ZNF197: variants seen among roughly 807,000 people sequenced by gnomAD.
ZNF197 encodes the protein VHL-associated KRAB-A domain-containing protein.
Under a neutral mutation model 27.4 loss-of-function variants are expected in ZNF197, and 14 were observed. The ratio of observed to expected loss-of-function variants is 0.51; its 90% CI spans 0.34 to 0.80. The LOEUF is 0.80. Ranked by LOEUF, ZNF197 falls within the 30% of genes least tolerant of loss-of-function variation. ZNF197 has a pLI of 0.02. For synonymous variants in ZNF197, 415 were observed against 420.0 expected (o/e 0.99, Z 0.15); for missense variants, 1,090 against 1,222.6 (o/e 0.89, Z 1.62).
chr3:44,632,555 A>C lies in ZNF197; in HGVS notation c.725A>C (p.Tyr242Ser). The C allele has an allele frequency of 6.2e-7, 1 of 1,604,788 alleles. No homozygotes were observed. The highest frequency in any genetic ancestry group is 8.5e-7 in the Non-Finnish European group (1 of 1,175,278). ...CTGGGCCCAATCCAGAGGGCCTTGT[A>C]CTGGGATGTGATGCTGGAGAATTAT... ...ACLGPIQRAL[Y>S]WDVMLENYGN... Residue 242 changes from tyrosine (Y) to serine (S), a missense_variant, in exon 5 of 6, where the codon TAC becomes TCC. Physicochemically the swap from Tyr to Ser is moderately radical, Grantham distance 144. Coordinates refer to ENST00000344387, the MANE Select transcript of ZNF197 (RefSeq NM_006991.5).
intron 5 of ZNF197, among the ~76,000 whole-genome samples, chr3:44,636,659 A>T (rs1374544324): frequency 6.6e-6 from 1 of 152,198 alleles, no homozygotes; most frequent in Admixed American, 6.5e-5. Context: ...TCCATTATGA[A>T]TAATGCTGCT....
intron 5 of ZNF197, among the ~76,000 whole-genome samples, chr3:44,634,902 G>A (rs1443767392): frequency 6.6e-6 from 1 of 151,212 alleles, no homozygotes; most frequent in African/African-American, 2.4e-5. Context: ...GCCCAGGCTG[G>A]CCTCAAACTC....
chr3:44,629,300 G>A lies in ZNF197; in HGVS notation c.146G>A (p.Arg49His), dbSNP rs1216716328. 1.1e-5 allele frequency: 18 copies of A among 1,614,012 alleles called. No homozygotes were observed. The highest frequency in any genetic ancestry group is 5.0e-5 in the Admixed American group (3 of 60,000). ...TCCCACCTACACTTTAGACAATTAC[G>A]TTACCATGAGACATCTGGACCCCAG... ...ETSHLHFRQL[R>H]YHETSGPQEA... The change falls in exon 2 of 6, where the codon CGT (arginine) becomes CAT (histidine). Residue 49 changes from arginine (R) to histidine (H), a missense_variant. Transcript: ENST00000344387.
intron 5 of ZNF197, among the ~76,000 whole-genome samples, chr3:44,633,246 GATAAATA>G (rs1379055800): frequency 1.3e-5 from 2 of 151,964 alleles, no homozygotes; most frequent in Admixed American, 6.6e-5. Flanking sequence ...AGATTTCTTT[GATAAATA>G]ATAAAAGAAT....
intron 1 of ZNF197, among the ~76,000 whole-genome samples, chr3:44,627,660 G>A (rs948062120): frequency 6.6e-6 from 1 of 151,734 alleles, no homozygotes; most frequent in East Asian, 1.9e-4. Context: ...GCGAAACCCC[G>A]TCTCTACCAA....
intron 3 of ZNF197, among the ~76,000 whole-genome samples, chr3:44,631,545 T>C (rs1259493273): frequency 7.0e-6 from 1 of 141,916 alleles, no homozygotes; most frequent in East Asian, 2.2e-4. Flanking sequence ...GGACTACAGG[T>C]GCCCGCCACT....
At chr3:44,627,702 G>A (rs370517302) in intron 1 of ZNF197, among the ~76,000 whole-genome samples, 1 of 151,664 alleles carries the variant, frequency 6.6e-6, no homozygotes. Flanking sequence ...ATGGTGGTGC[G>A]AGCCTGTAGT....
intron 5 of ZNF197, among the ~76,000 whole-genome samples, chr3:44,634,560 C>T (rs911628257): frequency 2.0e-5 from 3 of 152,096 alleles, no homozygotes; most frequent in Non-Finnish European, 4.4e-5. Context: ...AGCAATTCTC[C>T]TGCCTCAGCC....
Position 44,643,561 on chromosome 3 carries a change from AT to A in ZNF197, c.2433del (p.His812ThrfsTer23), listed in dbSNP as rs762416572. 1 of 1,614,214 alleles carries A rather than the reference AT, an allele frequency of 6.2e-7. No individual in the cohort carries two copies. Among genetic ancestry groups the A allele is most frequent in the Non-Finnish European group, 8.5e-7 (1 of 1,180,040 alleles). ...LKKSLIGHQR[I>X]HTREKSYKCN... is the part of the protein sequence containing the mutation. ...GAAAAGCCTCATTGGACATCAGAGA[AT>A]TCACACGAGGGAAAAATCTTATAAA... On this transcript the variant is annotated frameshift_variant, in exon 6 of 6. Transcript: ENST00000344387. LOFTEE classifies it low-confidence loss of function (END_TRUNC).
rs569480508 is a variant in ZNF197, at chr3:44,631,111, C to T, written c.440C>T (p.Ala147Val). The change falls in exon 3 of 6, where the codon GCC becomes GTC. Residue 147 changes from alanine (A) to valine (V), a missense_variant. Physicochemically the swap from Ala to Val is moderately conservative, Grantham distance 64. Transcript: ENST00000344387. The stretch of plus-strand genomic sequence containing the variant: ...GACACTCTCCAGAAGGTGGTGAGTG[C>T]CCCAGGAACAACACTTCCTCCTGTA... ...DQDTLQKVVS[A>V]PGTTLPPVLP... 200 of 1,614,080 alleles carry T rather than the reference C, an allele frequency of 1.2e-4. 1 individual carries two copies. In the South Asian group the frequency reaches 2.0e-3, roughly 16 times the overall value.
chr3:44,633,527 T>A (rs539137825), intron 5 of ZNF197, among the ~76,000 whole-genome samples: 8 of 152,378 alleles, frequency 5.3e-5, no homozygotes, highest in African/African-American at 1.9e-4. Context: ...GCATTTATAC[T>A]GGAACTTGAA....
At chr3:44,627,444 T>C (rs1055428104) in intron 1 of ZNF197, among the ~76,000 whole-genome samples, 1 of 152,220 alleles carries the variant, frequency 6.6e-6, no homozygotes, top group Non-Finnish European at 1.5e-5. Flanking sequence ...TTATGTGTCC[T>C]TCCTTGCTTT....
chr3:44,644,674 C>CA lies in ZNF197; in HGVS notation c.*459dup, dbSNP rs948488845. The CA allele has an allele frequency of 1.0e-6, 1 of 987,074 alleles. No individual in the cohort carries two copies. The highest frequency in any genetic ancestry group is 1.7e-5 in the African/African-American group (1 of 57,200). The allele number at this position is 987,074 out of a possible 1,614,324, so 61.1% of individuals were successfully genotyped here. On this transcript the variant is annotated 3_prime_UTR_variant, in exon 6 of 6. Coordinates refer to ENST00000344387, the MANE Select transcript of ZNF197 (RefSeq NM_006991.5). ...AAGTTCATCCCAACTTTCAAGTCTA[C>CA]AAAAACATAATCCAAATCTAATAAC...
intron 5 of ZNF197, among the ~76,000 whole-genome samples, chr3:44,636,897 T>A (rs1702325799): frequency 6.6e-6 from 1 of 152,182 alleles, no homozygotes; most frequent in African/African-American, 2.4e-5. Context: ...ATTTTAACTA[T>A]CCTAGTGGGT....
Position 44,645,241 on chromosome 3 carries a change from T to C in ZNF197, c.*1021T>C, listed in dbSNP as rs367914335. On this transcript the variant is annotated 3_prime_UTR_variant, in exon 6 of 6. Coordinates refer to ENST00000344387, the MANE Select transcript of ZNF197 (RefSeq NM_006991.5). ...GAAAGTACTTTTTGAAATCATTCAG[T>C]TGTCAATAAAGTTGGATAAAAGAGG... 1.1e-5 allele frequency: 11 copies of C among 985,180 alleles called. No homozygotes were observed. In the East Asian group the frequency reaches 4.5e-4, roughly 41 times the overall value. The allele number at this position is 985,180 out of a possible 1,614,324, so 61.0% of individuals were successfully genotyped here.
At chr3:44,638,989 C>T (rs541873917) in intron 5 of ZNF197, among the ~76,000 whole-genome samples, 2 of 152,262 alleles carry the variant, frequency 1.3e-5, no homozygotes, top group Non-Finnish European at 2.9e-5. Context: ...ACTGGGATTA[C>T]AGGCATGAGC....
In ZNF197 at chr3:44,643,723, C is replaced by A. The variant is rs1559475989; in HGVS notation, c.2593C>A (p.Gln865Lys). 6.2e-7 allele frequency: 1 copy of A among 1,613,998 alleles called. No homozygotes were observed. ...GTACAACAGAAACCTGATTGAACATCAAAGAATTCACAGTGGAGAAAAAAC... is the reference window on the plus strand; with the variant it reads ...GTACAACAGAAACCTGATTGAACATAAAAGAATTCACAGTGGAGAAAAAAC... ...FTYNRNLIEH[Q>K]RIHSGEKTYE... The change falls in exon 6 of 6, where the codon CAA (glutamine) becomes AAA (lysine). Residue 865 changes from glutamine to lysine, a missense_variant. By Grantham distance (53) the Gln-to-Lys change is moderately conservative. Transcript: ENST00000344387.
rs1257776420 is a variant in ZNF197 at position 44,642,422 on chromosome 3, G to A, written c.1292G>A (p.Cys431Tyr). 5.0e-6 allele frequency: 8 copies of A among 1,614,122 alleles called. No individual in the cohort carries two copies. Among genetic ancestry groups the A allele is most frequent in the Non-Finnish European group, 6.8e-6 (8 of 1,180,016 alleles). ...GAGAAACCTTATAAATGTAATGAATGTGGGAAAGCATTTTCTCAAAGTGCT... is the reference window on the plus strand; with the variant it reads ...GAGAAACCTTATAAATGTAATGAATATGGGAAAGCATTTTCTCAAAGTGCT... ...SGEKPYKCNE[C>Y]GKAFSQSAYL... Residue 431 changes from cysteine (C) to tyrosine (Y), a missense_variant, in exon 6 of 6, where the codon TGT becomes TAT. Coordinates refer to ENST00000344387, the MANE Select transcript of ZNF197 (RefSeq NM_006991.5).
chr3:44,644,430 G>A lies in ZNF197; in HGVS notation c.*210G>A. On this transcript the variant is annotated 3_prime_UTR_variant, in exon 6 of 6. Coordinates refer to ENST00000344387, the MANE Select transcript of ZNF197 (RefSeq NM_006991.5). ...GAAGCGAGTGGATCACCTGAGGTCA[G>A]GATTTTGAGACCAGCCTGACCAACA... is the stretch of plus-strand genomic sequence containing the variant. The A allele has an allele frequency of 8.3e-7, 1 of 1,202,234 alleles. No individual in the cohort carries two copies. Among genetic ancestry groups the A allele is most frequent in the Non-Finnish European group, 1.1e-6 (1 of 943,368 alleles). The allele number at this position is 1,202,234 out of a possible 1,614,324, so 74.5% of individuals were successfully genotyped here.
Sources: gnomAD v4.1 joint callset for allele counts (sites outside exome capture counted in the v4.1 genomes callset) on GRCh38, gnomAD v4.1.1 for gene constraint, MANE v1.5 for transcripts, NCBI Gene and HGNC (gene_info 2026-07-23, HGNC 2026-07-21) for gene names.